SLC25A28: variants seen among roughly 807,000 people sequenced by gnomAD.
SLC25A28 encodes solute carrier family 25 member 28, also known as mitoferrin-2.
Under a neutral mutation model 31.9 loss-of-function variants are expected in SLC25A28, and 10 were observed. The ratio of observed to expected loss-of-function variants is 0.31; its 90% CI spans 0.19 to 0.53. SLC25A28 has a LOEUF of 0.53. SLC25A28 is among the 20% of genes least tolerant of loss of function. The probability of loss-of-function intolerance (pLI) is 0.95; values close to 1 mark genes in which losing one functional copy is unlikely to be tolerated. For synonymous variants in SLC25A28, 208 were observed against 203.6 expected (o/e 1.02, Z -0.19); for missense variants, 256 against 490.3 (o/e 0.52, Z 4.51).
Position 99,610,769 on chromosome 10 carries a change from G to A in SLC25A28, c.*80C>T, listed in dbSNP as rs1441271969. The A allele has an allele frequency of 6.6e-7, 1 of 1,523,570 alleles. No homozygotes were observed. The highest frequency in any genetic ancestry group is 8.9e-7 in the Non-Finnish European group (1 of 1,125,382). The allele number at this position is 1,523,570 out of a possible 1,614,324, so 94.4% of individuals were successfully genotyped here. ...TACCTTCCTTCTAACTCCACTTGAG[G>A]TGGGAGCATTCCAGGAGACAGAGAA... On this transcript the variant is annotated 3_prime_UTR_variant, in exon 4 of 4. Transcript: ENST00000370495.
upstream of SLC25A28, chr10:99,621,120 T>G (rs2034784462): frequency 4.9e-6 from 2 of 411,002 alleles, no homozygotes; most frequent in Non-Finnish European, 6.6e-6. Flanking sequence ...CGTTGCGACA[T>G]GCGGGCTGGG....
the SLC25A28 span, among the ~76,000 whole-genome samples, chr10:99,631,227 C>A: frequency 6.6e-6 from 1 of 152,006 alleles, no homozygotes; most frequent in Non-Finnish European, 1.5e-5. Flanking sequence ...TGAAGTTGGG[C>A]AACATGGTCA....
the SLC25A28 span, among the ~76,000 whole-genome samples, chr10:99,654,746 T>A: frequency 2.0e-5 from 3 of 152,166 alleles, no homozygotes; most frequent in Non-Finnish European, 2.9e-5. Context: ...TAAATTTTTT[T>A]AAAAAAGAAA....
the SLC25A28 span, among the ~76,000 whole-genome samples, chr10:99,655,834 C>T: frequency 2.0e-5 from 3 of 152,120 alleles, no homozygotes; most frequent in Non-Finnish European, 4.4e-5. Context: ...GAGGTTGGAG[C>T]CTAGCACCCT....
In SLC25A28 at chr10:99,611,362, G is replaced by C. The variant is rs1439828667; in HGVS notation, c.582C>G (p.Val194=). The part of the protein sequence containing the change: ...HDAAMNPAEV[V]KQRMQMYNSP... ...AGTTGTACATCTGCATCCTCTGCTT[G>C]ACCACTAGTAGTGCCATCAACGAGG... The change falls in exon 4 of 4, where the codon GTC becomes GTG. Residue 194 remains valine, a synonymous_variant. Coordinates refer to ENST00000370495, the MANE Select transcript of SLC25A28 (RefSeq NM_031212.4). This position sits in a 1 kb window ranked among gnomAD's most constrained non-coding sequence, Gnocchi z 5.5. 1 of 1,613,838 alleles carries C rather than the reference G, an allele frequency of 6.2e-7. No individual in the cohort carries two copies. Among genetic ancestry groups the C allele is most frequent in the Non-Finnish European group, 8.5e-7 (1 of 1,179,938 alleles).
intron 1 of SLC25A28, chr10:99,618,770 G>A (rs1404807428): frequency 7.1e-6 from 7 of 985,200 alleles, no homozygotes; most frequent in African/African-American, 1.7e-5. Context: ...CTTAATGAGC[G>A]CTCCCCCCAT....
the SLC25A28 span, among the ~76,000 whole-genome samples, chr10:99,625,803 G>T: frequency 6.6e-6 from 1 of 152,100 alleles, no homozygotes. Context: ...CTCCCTTCTC[G>T]TCAGAACACA....
At chr10:99,616,468 A>G in intron 1 of SLC25A28, 1 of 983,504 alleles carries the variant, frequency 1.0e-6, no homozygotes, top group African/African-American at 1.7e-5. Context: ...ATATTTGTTC[A>G]TATCTAAGAA....
chr10:99,615,322 C>A (rs527810949), intron 1 of SLC25A28: 11 of 855,498 alleles, frequency 1.3e-5, no homozygotes, highest in African/African-American at 1.9e-5. Context: ...AGCCACTGCA[C>A]GGCAGCCTGG....
At chr10:99,644,801 C>A in the SLC25A28 span, among the ~76,000 whole-genome samples, 2 of 152,106 alleles carry the variant, frequency 1.3e-5, no homozygotes, top group Admixed American at 1.3e-4. Flanking sequence ...TTTTATTTCT[C>A]CTTCATGTAT....
the SLC25A28 span, among the ~76,000 whole-genome samples, chr10:99,634,724 G>T: frequency 1.3e-5 from 2 of 152,216 alleles, no homozygotes; most frequent in Non-Finnish European, 1.5e-5. Flanking sequence ...CATATTTGGG[G>T]AAATGATTGA....
the SLC25A28 span, among the ~76,000 whole-genome samples, chr10:99,651,789 G>A: frequency 6.6e-6 from 1 of 151,758 alleles, no homozygotes; most frequent in Non-Finnish European, 1.5e-5. Flanking sequence ...TTTAAAGATA[G>A]AGTCTGACTG....
upstream of SLC25A28, chr10:99,621,344 G>GA (rs1387042818): frequency 1.3e-5 from 2 of 152,516 alleles, no homozygotes; most frequent in Non-Finnish European, 2.9e-5. Flanking sequence ...GCCAAGAGCC[G>GA]AAGGCGGGGG....
chr10:99,624,173 TTCC>T (rs2034840650), upstream of SLC25A28, among the ~76,000 whole-genome samples: 2 of 151,730 alleles, frequency 1.3e-5, no homozygotes, highest in African/African-American at 4.8e-5. Context: ...TTCTCCTTCC[TTCC>T]TTTTTTTCTT....
At chr10:99,615,356 CAAAAAA>C (rs146386790) in intron 1 of SLC25A28, 321 of 801,096 alleles carry the variant, frequency 4.0e-4, no homozygotes, top group Non-Finnish European at 4.3e-4. Context: ...AACTCCATCT[CAAAAAA>C]AAAAAAAAAA....
At chr10:99,637,363 C>A in the SLC25A28 span, among the ~76,000 whole-genome samples, 1 of 152,142 alleles carries the variant, frequency 6.6e-6, no homozygotes, top group Non-Finnish European at 1.5e-5. Context: ...AAAGCATTCC[C>A]TCTGAGAACT....
At chr10:99,625,332 CTGATTGGTCCATTTTACAGAGCAT>C (rs1315476257), upstream of SLC25A28, among the ~76,000 whole-genome samples, 1 of 152,014 alleles carries the variant, frequency 6.6e-6, no homozygotes, top group African/African-American at 2.4e-5. Flanking sequence ...CCACATCCTG[CTGATTGGTCCATTTTACAGAGCAT>C]TGATTGGTCC....
At chr10:99,646,343 G>A in the SLC25A28 span, among the ~76,000 whole-genome samples, 407 of 152,346 alleles carry the variant, frequency 2.7e-3, 4 homozygotes, top group East Asian at 0.03. Flanking sequence ...CTCTGTGGGC[G>A]TGGGACCCTC....
chr10:99,656,037 G>A, the SLC25A28 span, among the ~76,000 whole-genome samples: 1 of 152,056 alleles, frequency 6.6e-6, no homozygotes, highest in Non-Finnish European at 1.5e-5. Flanking sequence ...GGAACTTCTG[G>A]AAGAAGGTAC....
Sources: allele counts gnomAD v4.1 joint callset (sites outside exome capture counted in the v4.1 genomes callset), GRCh38; gene constraint gnomAD v4.1.1; non-coding constraint Gnocchi (gnomAD v3.1); transcripts MANE v1.5; gene names NCBI Gene and HGNC (gene_info 2026-07-23, HGNC 2026-07-21).